COL15A1: variants seen among roughly 807,000 people sequenced by gnomAD.
COL15A1 encodes collagen type XV alpha 1 chain.
A neutral mutation model predicts 165.9 loss-of-function variants in COL15A1; 111 were observed. The observed-to-expected ratio is 0.67, with a 90% confidence interval of 0.57 to 0.78. The LOEUF (loss-of-function observed/expected upper bound fraction) is 0.78. COL15A1 is among the 30% of genes least tolerant of loss of function. The pLI is 0.00. For missense variants in COL15A1, 1,745 were observed against 1,789.7 expected (o/e 0.98, Z 0.45); for synonymous variants, 659 against 674.8 (o/e 0.98, Z 0.36).
chr9:98,973,343 G>A (rs1317569852), intron 2 of COL15A1, among the ~76,000 whole-genome samples: 1 of 152,206 alleles, frequency 6.6e-6, no homozygotes, highest in Non-Finnish European at 1.5e-5. Flanking sequence ...CCGGAAAAGA[G>A]AAGGAGGCGT....
chr9:98,944,892 T>C (rs911933), intron 2 of COL15A1, among the ~76,000 whole-genome samples: 44,541 of 152,110 alleles, frequency 0.29, 7,079 homozygotes, highest in Non-Finnish European at 0.37. Context: ...TAGTAAGATA[T>C]AAGTTAAAGT....
chr9:99,038,396 C>T lies in COL15A1; in HGVS notation c.2410-272C>T, dbSNP rs565920395. ...CCCAACACTGTGCTTTCTGTGGGTG[C>T]ATATAATATGTATATGTTTAAACTC... On this transcript the variant is annotated intron_variant, in intron 21 of 41. Transcript: ENST00000375001. Among the ~76,000 whole-genome samples the T allele has an allele frequency of 8.5e-5, 13 of 152,262 alleles. No homozygotes were observed. In the South Asian group the frequency reaches 2.5e-3, roughly 29 times the overall value.
At chr9:99,030,381 G>C (rs886510071) in intron 16 of COL15A1, among the ~76,000 whole-genome samples, 3 of 152,132 alleles carry the variant, frequency 2.0e-5, no homozygotes, top group Admixed American at 2.0e-4. Context: ...TCACCATTTT[G>C]GGAATAGGAG....
At chr9:99,024,316 T>C (rs1396692874) in intron 14 of COL15A1, among the ~76,000 whole-genome samples, 1 of 148,214 alleles carries the variant, frequency 6.7e-6, no homozygotes, top group Admixed American at 6.7e-5. Flanking sequence ...AGTCTTGCTC[T>C]GTCGCCCAGG....
At chr9:99,060,027 CTG>C in intron 36 of COL15A1, 74 bp downstream of exon 36, 2 of 1,508,244 alleles carry the variant, frequency 1.3e-6, no homozygotes, top group Non-Finnish European at 1.8e-6. Context: ...CTACGATCTC[CTG>C]TGTCTGACAT....
chr9:99,023,569 A>T, intron 14 of COL15A1, 120 bp downstream of exon 14: 2 of 608,076 alleles, frequency 3.3e-6, no homozygotes, highest in Non-Finnish European at 6.1e-6. Flanking sequence ...GGTTGCCGGC[A>T]GTGAGCTCAT....
Position 99,059,901 on chromosome 9 carries a change from C to T in COL15A1, c.3350C>T (p.Pro1117Leu). ...PAILGAAVAL[P>L]GPPGPPGQPG... is the part of the protein sequence containing the mutation. ...TGTTTTGTCTTAGCTGTGGCCCTTCCAGGTCCCCCTGGCCCTCCAGGACAG... is the reference window on the plus strand; with the variant it reads ...TGTTTTGTCTTAGCTGTGGCCCTTCTAGGTCCCCCTGGCCCTCCAGGACAG... The change falls in exon 36 of 42, where the codon CCA (proline) becomes CTA (leucine). Residue 1117 changes from proline to leucine, a missense_variant. Coordinates refer to ENST00000375001, the MANE Select transcript of COL15A1 (RefSeq NM_001855.5). 1 of 1,613,908 alleles carries T rather than the reference C, an allele frequency of 6.2e-7. No homozygotes were observed. The highest frequency in any genetic ancestry group is 8.5e-7 in the Non-Finnish European group (1 of 1,179,924).
At chr9:99,061,803 C>G (rs1034554722) in intron 36 of COL15A1, among the ~76,000 whole-genome samples, 168 bp from the exon 37 acceptor site, 4 of 152,076 alleles carry the variant, frequency 2.6e-5, no homozygotes, top group African/African-American at 9.7e-5. Flanking sequence ...AAGAAGAATG[C>G]CCTTTAGTTA....
chr9:98,944,650 G>A (rs1259072377), intron 2 of COL15A1, among the ~76,000 whole-genome samples: 1 of 152,286 alleles, frequency 6.6e-6, no homozygotes, highest in Non-Finnish European at 1.5e-5. Flanking sequence ...TCCGCACACA[G>A]GTGCGAAGCA....
intron 8 of COL15A1, 126 bp downstream of exon 8, chr9:99,003,713 C>A: frequency 9.3e-7 from 1 of 1,069,740 alleles, no homozygotes; most frequent in South Asian, 2.2e-5. Context: ...TGGGGGCAGT[C>A]TGTCGGAGTA....
At position 99,035,010 on chromosome 9, in the gene COL15A1, A is replaced by G. The variant is rs375537874; in HGVS notation, c.2080-4A>G. The G allele has an allele frequency of 8.1e-6, 13 of 1,612,244 alleles. No homozygotes were observed. The African/African-American group carries it at 1.2e-4, about 15-fold the overall frequency. ...AGATAATCAGCCTGCCCTCTTTCCT[A>G]CAGGGTGACCCTGGCAACAGAGGCT... On this transcript the variant is annotated splice_region_variant and splice_polypyrimidine_tract_variant and intron_variant, in intron 17 of 41. Coordinates refer to ENST00000375001, the MANE Select transcript of COL15A1 (RefSeq NM_001855.5).
intron 2 of COL15A1, among the ~76,000 whole-genome samples, chr9:98,957,033 G>C (rs1837787378): frequency 6.6e-6 from 1 of 152,196 alleles, no homozygotes; most frequent in South Asian, 2.1e-4. Flanking sequence ...TAACCCCCAG[G>C]ACGTGTCACT....
intron 5 of COL15A1, among the ~76,000 whole-genome samples, chr9:98,992,826 G>A (rs1484255292): frequency 2.6e-5 from 4 of 152,136 alleles, no homozygotes; most frequent in Non-Finnish European, 5.9e-5. Flanking sequence ...CCCCAGGCTT[G>A]GACCCTCCCC....
At chr9:99,055,779 T>C (rs1319670350) in intron 34 of COL15A1, among the ~76,000 whole-genome samples, 1 of 152,236 alleles carries the variant, frequency 6.6e-6, no homozygotes, top group Non-Finnish European at 1.5e-5. Flanking sequence ...GTGGTTTTCC[T>C]AGGATGAGAG....
chr9:98,992,965 G>A (rs1838473083), intron 5 of COL15A1, among the ~76,000 whole-genome samples: 1 of 152,170 alleles, frequency 6.6e-6, no homozygotes, highest in Non-Finnish European at 1.5e-5. Flanking sequence ...GATGGACTTG[G>A]TGGCCTCTGG....
chr9:99,018,446 A>G (rs548939589), intron 11 of COL15A1, among the ~76,000 whole-genome samples: 2 of 152,298 alleles, frequency 1.3e-5, no homozygotes, highest in African/African-American at 4.8e-5. Context: ...TTGTCCACAT[A>G]TATTAACAAT....
intron 2 of COL15A1, among the ~76,000 whole-genome samples, chr9:98,976,442 C>A (rs1261279280): frequency 1.3e-5 from 2 of 152,198 alleles, no homozygotes; most frequent in African/African-American, 4.8e-5. Context: ...AACCTGAGTC[C>A]TTCCTCCCCT....
At chr9:98,979,782 G>A (rs1264197032) in intron 2 of COL15A1, among the ~76,000 whole-genome samples, 1 of 152,012 alleles carries the variant, frequency 6.6e-6, no homozygotes, top group East Asian at 1.9e-4. Flanking sequence ...GAGAGGATAA[G>A]CATTCAATTG....
chr9:98,947,918 A>G (rs191225361), intron 2 of COL15A1, among the ~76,000 whole-genome samples: 57 of 152,232 alleles, frequency 3.7e-4, no homozygotes, highest in Non-Finnish European at 7.2e-4. Context: ...CCTGGGTTCC[A>G]CTCACTGACT....
Sources: gnomAD v4.1 joint callset for allele counts (sites outside exome capture counted in the v4.1 genomes callset) on GRCh38, gnomAD v4.1.1 for gene constraint, MANE v1.5 for transcripts, NCBI Gene and HGNC (gene_info 2026-07-23, HGNC 2026-07-21) for gene names.